The following SYT16 variants were observed in gnomAD, a reference collection of about 807,000 sequenced individuals.
SYT16 encodes the protein synaptotagmin 16, also known as synaptotagmin-16.
In SYT16, 42 loss-of-function variants were observed where a neutral mutation model predicts 61.4. That is an observed-to-expected ratio of 0.68 (90% CI 0.53 to 0.89). The LOEUF is 0.89. Ranked by LOEUF, SYT16 falls within the 40% of genes least tolerant of loss-of-function variation. The probability of loss-of-function intolerance (pLI) is 0.00; values close to 1 mark genes in which losing one functional copy is unlikely to be tolerated. For missense variants in SYT16, 804 were observed against 807.3 expected, an observed-to-expected ratio of 1.00 and a Z score of 0.05; for synonymous variants, 314 against 302.3, an observed-to-expected ratio of 1.04 and a Z score of -0.40.
intron 1 of SYT16, among the ~76,000 whole-genome samples, chr14:61,969,842 G>T (rs1323375327): frequency 6.6e-6 from 1 of 152,102 alleles, no homozygotes; most frequent in Non-Finnish European, 1.5e-5. Flanking sequence ...CTGGGCTGAG[G>T]ACAGGAGCAA....
intron 1 of SYT16, among the ~76,000 whole-genome samples, chr14:61,945,626 CG>C (rs2050394296): frequency 6.6e-6 from 1 of 151,944 alleles, no homozygotes; most frequent in Non-Finnish European, 1.5e-5. Flanking sequence ...GAGGCCGAGG[CG>C]GGCGGATCAC....
At chr14:62,082,644 G>A (rs569142277) in intron 6 of SYT16, among the ~76,000 whole-genome samples, 1 of 152,142 alleles carries the variant, frequency 6.6e-6, no homozygotes, top group East Asian at 1.9e-4. Flanking sequence ...GCTCTGCTCA[G>A]ATCTCCCTTT....
At chr14:62,026,200 G>T (rs1053818949) in intron 3 of SYT16, among the ~76,000 whole-genome samples, 3 of 152,128 alleles carry the variant, frequency 2.0e-5, no homozygotes, top group African/African-American at 7.2e-5. Flanking sequence ...CACAATGAGT[G>T]GGGGGAATGT....
chr14:61,972,129 T>A (rs2051587567), intron 2 of SYT16, among the ~76,000 whole-genome samples: 1 of 152,200 alleles, frequency 6.6e-6, no homozygotes, highest in South Asian at 2.1e-4. Flanking sequence ...ATTAATTCTG[T>A]AGAGACACCA....
chr14:61,962,159 A>G (rs370769533), intron 1 of SYT16, among the ~76,000 whole-genome samples: 3 of 152,206 alleles, frequency 2.0e-5, no homozygotes, highest in Non-Finnish European at 2.9e-5. Context: ...AAAACCACCT[A>G]TTGGATACTA....
intron 3 of SYT16, among the ~76,000 whole-genome samples, chr14:62,062,693 T>TA (rs1195216541): frequency 2.0e-5 from 3 of 152,146 alleles, no homozygotes; most frequent in Non-Finnish European, 2.9e-5. Flanking sequence ...CTTTTTTTTT[T>TA]ATCCTTATTT....
At chr14:61,939,099 C>T (rs918617034) in intron 1 of SYT16, among the ~76,000 whole-genome samples, 4 of 152,192 alleles carry the variant, frequency 2.6e-5, no homozygotes, top group Admixed American at 6.5e-5. Flanking sequence ...CGTGCCACTG[C>T]ACTCCAGCCT....
intron 1 of SYT16, among the ~76,000 whole-genome samples, chr14:61,827,665 CTCTA>C (rs2045813459): frequency 6.6e-6 from 1 of 152,052 alleles, no homozygotes; most frequent in African/African-American, 2.4e-5. Flanking sequence ...ATTTCCCCTT[CTCTA>C]TCTTATTTTG....
At chr14:62,006,676 T>C (rs1312366023) in intron 3 of SYT16, among the ~76,000 whole-genome samples, 1 of 152,176 alleles carries the variant, frequency 6.6e-6, no homozygotes, top group Non-Finnish European at 1.5e-5. Context: ...CATCCCAAGA[T>C]AGGCTTTTTG....
At chr14:62,017,688 G>T (rs930687575) in intron 3 of SYT16, among the ~76,000 whole-genome samples, 1 of 151,030 alleles carries the variant, frequency 6.6e-6, no homozygotes, top group African/African-American at 2.4e-5. Flanking sequence ...CACTGCTATC[G>T]TGGTGCTTTA....
intron 1 of SYT16, among the ~76,000 whole-genome samples, chr14:61,838,251 C>A (rs2046193884): frequency 6.6e-6 from 1 of 152,050 alleles, no homozygotes; most frequent in Non-Finnish European, 1.5e-5. Context: ...TTACTGATAC[C>A]CTTTCCCACT....
At position 62,102,855 on chromosome 14, in the gene SYT16, A is replaced by G. The variant is rs1224016336; in HGVS notation, c.*2148A>G. ...CATTTTCTGTTCCCAAGACCCACCCATTTTTAAGGTTTTCGGCTGGTGTAG... is the reference window on the plus strand; with the variant it reads ...CATTTTCTGTTCCCAAGACCCACCCGTTTTTAAGGTTTTCGGCTGGTGTAG... On this transcript the variant is annotated 3_prime_UTR_variant, in exon 8 of 8. Transcript: ENST00000683842. The G allele has an allele frequency of 6.6e-6, 1 of 152,064 alleles. No individual in the cohort carries two copies. Among genetic ancestry groups the G allele is most frequent in the African/African-American group, 2.4e-5 (1 of 41,406 alleles). The allele number at this position is 152,064 out of a possible 1,614,324, so 9.4% of individuals were successfully genotyped here. A position where few individuals can be genotyped will look rare whatever the true frequency, so the allele number is the denominator to read the frequency against.
intron 3 of SYT16, among the ~76,000 whole-genome samples, chr14:62,043,723 T>A (rs1046262580): frequency 4.6e-5 from 7 of 151,676 alleles, no homozygotes; most frequent in Non-Finnish European, 1.0e-4. Context: ...TTGAAGTTTT[T>A]AAAATTGATT....
chr14:62,049,112 A>G (rs967335555), intron 3 of SYT16, among the ~76,000 whole-genome samples: 1 of 152,148 alleles, frequency 6.6e-6, no homozygotes, highest in Non-Finnish European at 1.5e-5. Context: ...TGGGAGTCTA[A>G]GTCTCTTTTT....
intron 3 of SYT16, among the ~76,000 whole-genome samples, chr14:62,033,940 A>C (rs935835864): frequency 6.6e-6 from 1 of 152,164 alleles, no homozygotes; most frequent in African/African-American, 2.4e-5. Flanking sequence ...AATGAGGGAA[A>C]GCACTTGCAA....
chr14:61,998,153 A>G (rs1370354400), intron 3 of SYT16, among the ~76,000 whole-genome samples: 3 of 152,028 alleles, frequency 2.0e-5, no homozygotes, highest in Non-Finnish European at 2.9e-5. Flanking sequence ...AGCAGAGCTC[A>G]GGCAGTCTCA....
At chr14:61,862,698 T>C (rs139663728) in intron 1 of SYT16, among the ~76,000 whole-genome samples, 104 of 152,358 alleles carry the variant, frequency 6.8e-4, no homozygotes, top group African/African-American at 2.5e-3. Flanking sequence ...GACAAATGTA[T>C]AGTGACATGT....
At chr14:61,889,585 GCTCCCT>G (rs1300042818) in intron 1 of SYT16, among the ~76,000 whole-genome samples, 2 of 150,668 alleles carry the variant, frequency 1.3e-5, no homozygotes, top group Non-Finnish European at 3.0e-5. Flanking sequence ...GCTCGCTCTT[GCTCCCT>G]CTCTCTCTCT....
intron 1 of SYT16, among the ~76,000 whole-genome samples, chr14:61,817,496 A>G (rs1233634840): frequency 6.6e-6 from 1 of 152,150 alleles, no homozygotes; most frequent in Non-Finnish European, 1.5e-5. Context: ...GAAGGACACA[A>G]TGCCACTTAC....
Sources: allele counts gnomAD v4.1 joint callset (sites outside exome capture counted in the v4.1 genomes callset), GRCh38; gene constraint gnomAD v4.1.1; transcripts MANE v1.5; gene names NCBI Gene and HGNC (gene_info 2026-07-23, HGNC 2026-07-21).